DTNB: variants seen among roughly 807,000 people sequenced by gnomAD.
DTNB encodes dystrobrevin beta.
Under a neutral mutation model 90.7 loss-of-function variants are expected in DTNB, and 63 were observed. The observed-to-expected ratio is 0.69, with a 90% confidence interval of 0.57 to 0.86. The LOEUF is 0.86. Ranked by LOEUF, DTNB falls within the 40% of genes least tolerant of loss-of-function variation. The probability of loss-of-function intolerance (pLI) is 0.00; values close to 1 mark genes in which losing one functional copy is unlikely to be tolerated. For synonymous variants in DTNB, 277 were observed against 286.7 expected (o/e 0.97, Z 0.34); for missense variants, 744 against 807.1 (o/e 0.92, Z 0.95).
chr2:25,496,080 A>AAATATCTCT, intron 9 of DTNB, among the ~76,000 whole-genome samples: 1 of 152,170 alleles, frequency 6.6e-6, no homozygotes, highest in East Asian at 1.9e-4. Flanking sequence ...AGAGGAAGCC[A>AAATATCTCT]AATATCTCTC....
intron 10 of DTNB, among the ~76,000 whole-genome samples, chr2:25,467,679 T>A (rs1339745968): frequency 6.6e-6 from 1 of 152,130 alleles, no homozygotes. Flanking sequence ...GTACCTTTTA[T>A]CAGCTCTGAA....
At chr2:25,578,639 T>A (rs566627797) in intron 7 of DTNB, among the ~76,000 whole-genome samples, 1 of 152,246 alleles carries the variant, frequency 6.6e-6, no homozygotes, top group African/African-American at 2.4e-5. Context: ...ACCAGAATGA[T>A]GAAAAAATTA....
intron 6 of DTNB, among the ~76,000 whole-genome samples, chr2:25,590,961 C>T (rs767682751): frequency 1.4e-4 from 21 of 152,224 alleles, no homozygotes; most frequent in East Asian, 3.9e-4. Flanking sequence ...CCCTCAGGCC[C>T]GTGGCCTTCC....
At chr2:25,547,018 T>TTTG (rs531373974) in intron 8 of DTNB, among the ~76,000 whole-genome samples, 2 of 152,006 alleles carry the variant, frequency 1.3e-5, no homozygotes, top group African/African-American at 4.8e-5. Context: ...AGTTAATTCT[T>TTTG]TTGTTGTTGT....
chr2:25,397,877 C>CA (rs56318909), intron 16 of DTNB, among the ~76,000 whole-genome samples: 3,028 of 72,582 alleles, frequency 0.042, 75 homozygotes, highest in African/African-American at 0.063. Flanking sequence ...AAGACTGTCT[C>CA]AAAAAAAAAA....
At chr2:25,648,708 TAAGAAA>T (rs1340018908) in intron 2 of DTNB, among the ~76,000 whole-genome samples, 1 of 152,126 alleles carries the variant, frequency 6.6e-6, no homozygotes, top group Admixed American at 6.5e-5. Context: ...TCTGGCTCTT[TAAGAAA>T]AAGATGGCTG....
At chr2:25,596,589 C>A in intron 5 of DTNB, 1 of 174,650 alleles carries the variant, frequency 5.7e-6, no homozygotes, top group Non-Finnish European at 1.2e-5. Context: ...ATCTTTATCT[C>A]TTAGTATCTC....
chr2:25,518,396 G>A (rs1393660390), intron 9 of DTNB, among the ~76,000 whole-genome samples: 1 of 152,060 alleles, frequency 6.6e-6, no homozygotes, highest in Non-Finnish European at 1.5e-5. Context: ...TTGGACTAAA[G>A]CTTGATGGTT....
At chr2:25,664,369 T>C (rs2083905701) in intron 1 of DTNB, among the ~76,000 whole-genome samples, 1 of 152,238 alleles carries the variant, frequency 6.6e-6, no homozygotes, top group Non-Finnish European at 1.5e-5. Context: ...TTGTGAGCCA[T>C]CTGTCTATTT....
At chr2:25,523,979 G>A (rs1009269736) in intron 9 of DTNB, among the ~76,000 whole-genome samples, 3 of 143,876 alleles carry the variant, frequency 2.1e-5, no homozygotes, top group African/African-American at 5.2e-5. Context: ...TTGGCTCACC[G>A]CAACCTCCAC....
chr2:25,467,331 C>T (rs2061983577), intron 10 of DTNB, among the ~76,000 whole-genome samples: 1 of 141,950 alleles, frequency 7.0e-6, no homozygotes, highest in African/African-American at 2.7e-5. Context: ...CAGAGTCTCA[C>T]TCTGTCACCT....
intron 8 of DTNB, among the ~76,000 whole-genome samples, chr2:25,532,692 A>G (rs2078482940): frequency 6.6e-6 from 1 of 152,202 alleles, no homozygotes; most frequent in Non-Finnish European, 1.5e-5. Flanking sequence ...CCCTAAAATA[A>G]CACTGTTATC....
chr2:25,500,750 T>C (rs1446499216), intron 9 of DTNB, among the ~76,000 whole-genome samples: 2 of 151,956 alleles, frequency 1.3e-5, no homozygotes, highest in South Asian at 4.1e-4. Flanking sequence ...GACTTAAAGA[T>C]ATAAACATAA....
chr2:25,424,149 G>A lies in DTNB; in HGVS notation c.1554+3386C>T, dbSNP rs1188713006. Among the ~76,000 whole-genome samples the A allele has an allele frequency of 2.0e-5, 3 of 152,048 alleles. No individual in the cohort carries two copies. In the East Asian group the frequency reaches 5.8e-4, roughly 29 times the overall value. ...TGGACACTAAAGGCATGAGATTTTC[G>A]ACTGTGAATTCTAGCCAATGGATAG... is the stretch of plus-strand genomic sequence containing the variant. On this transcript the variant is annotated intron_variant, in intron 15 of 20. Transcript: ENST00000406818. The surrounding 1 kb of genome is among the most constrained non-coding windows in gnomAD (Gnocchi z 4.1).
intron 6 of DTNB, among the ~76,000 whole-genome samples, chr2:25,592,060 CA>C (rs1162292627): frequency 0.034 from 1,649 of 49,038 alleles, 25 homozygotes; most frequent in African/African-American, 0.074. Flanking sequence ...GACTCCATCT[CA>C]AAAAAAAAAA....
Position 25,628,224 on chromosome 2 carries a change from A to C in DTNB, c.309T>G (p.Ser103Arg). ...GGAGGAGGCTGATAGATTGTTCCAC[A>C]CTAATTTGGTGAGTAGAAGGAAGGC... ...NKRLPSTHQI[S>R]VEQSISLLLN... Residue 103 changes from serine (S) to arginine (R), a missense_variant, in exon 4 of 21, where the codon AGT (serine) becomes AGG (arginine). Transcript: ENST00000406818. 1 of 1,613,790 alleles carries C rather than the reference A, an allele frequency of 6.2e-7. No homozygotes were observed. The highest frequency in any genetic ancestry group is 1.1e-5 in the South Asian group (1 of 91,076).
intron 20 of DTNB, 63 bp downstream of exon 20, chr2:25,379,227 G>A: frequency 7.8e-7 from 1 of 1,288,934 alleles, no homozygotes; most frequent in African/African-American, 1.5e-5. Context: ...GAAGGGAGGG[G>A]AAGGGAAGAT....
At chr2:25,526,395 ATTTT>A (rs1245672956) in intron 9 of DTNB, among the ~76,000 whole-genome samples, 5 of 49,858 alleles carry the variant, frequency 1.0e-4, no homozygotes, top group South Asian at 1.3e-3. Context: ...ATATATATAT[ATTTT>A]TTTTTTTTTA....
chr2:25,640,155 A>C (rs1473210727), intron 2 of DTNB, among the ~76,000 whole-genome samples: 1 of 152,216 alleles, frequency 6.6e-6, no homozygotes, highest in South Asian at 2.1e-4. Flanking sequence ...AAAATTATAC[A>C]TGAGTCTATA....
Sources: gnomAD v4.1 joint callset for allele counts (sites outside exome capture counted in the v4.1 genomes callset) on GRCh38, gnomAD v4.1.1 for gene constraint, Gnocchi (gnomAD v3.1) non-coding constraint, MANE v1.5 for transcripts, NCBI Gene and HGNC (gene_info 2026-07-23, HGNC 2026-07-21) for gene names.